The following ZNF804B variants were observed in gnomAD, a reference collection of about 807,000 sequenced individuals.
ZNF804B encodes zinc finger protein 804B, also known as zinc finger 804B.
ZNF804B carries 80 observed loss-of-function variants against 101.4 expected under a neutral mutation model. That is an observed-to-expected ratio of 0.79 (90% CI 0.66 to 0.95). ZNF804B has a LOEUF of 0.95. Among genes scored for constraint, ZNF804B ranks in the 40% least tolerant of loss-of-function variants. ZNF804B has a pLI of 0.00. For missense variants in ZNF804B, 1,673 were observed against 1,561.9 expected (o/e 1.07, Z -1.20); for synonymous variants, 622 against 558.8 (o/e 1.11, Z -1.59).
At chr7:89,040,546 T>A (rs1047996592) in intron 1 of ZNF804B, among the ~76,000 whole-genome samples, 1 of 152,222 alleles carries the variant, frequency 6.6e-6, no homozygotes, top group African/African-American at 2.4e-5. Context: ...TATGTCTATG[T>A]TCTCTTATAG....
intron 1 of ZNF804B, among the ~76,000 whole-genome samples, chr7:89,173,853 G>C (rs1175679856): frequency 1.3e-5 from 2 of 151,722 alleles, no homozygotes; most frequent in African/African-American, 4.8e-5. Context: ...TGATGAAAAG[G>C]GACTGTGACA....
intron 1 of ZNF804B, among the ~76,000 whole-genome samples, chr7:89,175,472 A>G (rs1791303729): frequency 6.6e-6 from 1 of 151,936 alleles, no homozygotes. Flanking sequence ...TTTGGTTGCT[A>G]TATTTCAGTA....
intron 1 of ZNF804B, among the ~76,000 whole-genome samples, chr7:88,823,773 A>T (rs1051493948): frequency 3.3e-5 from 5 of 152,142 alleles, no homozygotes; most frequent in Non-Finnish European, 7.3e-5. Context: ...TGGACACTAG[A>T]AAAGGAAGGT....
At chr7:89,233,088 AT>A (rs879442669) in intron 2 of ZNF804B, among the ~76,000 whole-genome samples, 73 of 146,684 alleles carry the variant, frequency 5.0e-4, no homozygotes, top group Non-Finnish European at 5.1e-4. Flanking sequence ...CGCCTGGCTA[AT>A]TTTTTTTTTT....
chr7:88,880,612 A>G (rs1243547144), intron 1 of ZNF804B, among the ~76,000 whole-genome samples: 1 of 152,014 alleles, frequency 6.6e-6, no homozygotes, highest in Non-Finnish European at 1.5e-5. Context: ...TGGTTTTGTC[A>G]TTTCAAAGTT....
At chr7:89,075,839 A>T (rs1277825759) in intron 1 of ZNF804B, among the ~76,000 whole-genome samples, 3 of 152,218 alleles carry the variant, frequency 2.0e-5, no homozygotes, top group Admixed American at 6.5e-5. Context: ...GGTGCCCGAG[A>T]CCATGGGAAC....
In ZNF804B at chr7:89,275,778, A is replaced by G. The variant is rs115856096; in HGVS notation, c.250-51566A>G. Among the ~76,000 whole-genome samples, 1,407 of 151,968 alleles carry G rather than the reference A, an allele frequency of 9.3e-3. 50 individuals carry two copies. The highest frequency in any genetic ancestry group is 0.032 in the African/African-American group (1,336 of 41,270). ...TATGAACTTTTTATTTTCTCCCTAC[A>G]AGAAAGTGAGCTATAGGAGGATAAA... On this transcript the variant is annotated intron_variant, in intron 2 of 3. Transcript: ENST00000333190.
At chr7:89,234,457 C>T (rs185518516) in intron 2 of ZNF804B, among the ~76,000 whole-genome samples, 197 of 152,172 alleles carry the variant, frequency 1.3e-3, no homozygotes, top group Middle Eastern at 0.01. Flanking sequence ...TATAAGATTT[C>T]CATGAAATTA....
At chr7:89,116,575 G>C (rs764775975) in intron 1 of ZNF804B, among the ~76,000 whole-genome samples, 1 of 151,994 alleles carries the variant, frequency 6.6e-6, no homozygotes. Context: ...CATTTTAAAG[G>C]TTCAAATATT....
At chr7:88,962,193 G>C (rs1290573865) in intron 1 of ZNF804B, among the ~76,000 whole-genome samples, 1 of 151,234 alleles carries the variant, frequency 6.6e-6, no homozygotes, top group Non-Finnish European at 1.5e-5. Flanking sequence ...CTTCCTTAAG[G>C]ACCAGAAGTT....
chr7:88,891,326 A>G (rs1792210447), intron 1 of ZNF804B, among the ~76,000 whole-genome samples: 1 of 152,060 alleles, frequency 6.6e-6, no homozygotes, highest in South Asian at 2.1e-4. Flanking sequence ...AATTTTAATC[A>G]CTATGTATTT....
At chr7:89,317,359 A>T (rs1584121762) in intron 2 of ZNF804B, among the ~76,000 whole-genome samples, 1 of 152,222 alleles carries the variant, frequency 6.6e-6, no homozygotes, top group South Asian at 2.1e-4. Context: ...GAAGAAGTGT[A>T]TGCTTCTGGG....
intron 2 of ZNF804B, among the ~76,000 whole-genome samples, chr7:89,221,788 G>T (rs1789008917): frequency 6.8e-6 from 1 of 147,390 alleles, no homozygotes; most frequent in African/African-American, 2.5e-5. Context: ...TTATTTGCTT[G>T]TTTCATTTGT....
rs563654278 is a variant in ZNF804B, at chr7:89,108,891, C to T, written c.109-109264C>T. Among the ~76,000 whole-genome samples, 9 of 152,090 alleles carry T rather than the reference C, an allele frequency of 5.9e-5. No homozygotes were observed. The East Asian group carries it at 1.5e-3, about 26-fold the overall frequency. ...AGGAGAAATACATTGCTTGAAAACA[C>T]CAGAGGAAGAAAAGAAAATTAGTTC... On this transcript the variant is annotated intron_variant, in intron 1 of 3. Coordinates refer to ENST00000333190, the MANE Select transcript of ZNF804B (RefSeq NM_181646.5).
At position 88,868,033 on chromosome 7, in the gene ZNF804B, CTG is replaced by C. The variant is rs796357574; in HGVS notation, c.108+107962_108+107963del. On this transcript the variant is annotated intron_variant, in intron 1 of 3. Coordinates refer to ENST00000333190, the MANE Select transcript of ZNF804B (RefSeq NM_181646.5). ...TAAATGTGCAATATTCATAATTCTA[CTG>C]TGTGTGTGTGTGAGTGTGTGTGTGT... is the stretch of plus-strand genomic sequence containing the variant. Among the ~76,000 whole-genome samples, 715 of 135,062 alleles carry C rather than the reference CTG, an allele frequency of 5.3e-3. 6 individuals carry two copies. The highest frequency in any genetic ancestry group is 0.019 in the African/African-American group (669 of 35,222). The allele number at this position is 135,062 out of a possible 152,430, so 88.6% of individuals were successfully genotyped here.
rs115510420 is a variant in ZNF804B at position 88,980,592 on chromosome 7, T to C, written c.108+220508T>C. Reference sequence around the variant, plus strand: ...TTAGAGTTAACCATCTTTGTTTTCTTGGATAAGATCAGGAAGAATTCTCTG... The same window carrying C: ...TTAGAGTTAACCATCTTTGTTTTCTCGGATAAGATCAGGAAGAATTCTCTG... On this transcript the variant is annotated intron_variant, in intron 1 of 3. Coordinates refer to ENST00000333190, the MANE Select transcript of ZNF804B (RefSeq NM_181646.5). Among the ~76,000 whole-genome samples, 465 of 152,240 alleles carry C rather than the reference T, an allele frequency of 3.1e-3. 2 individuals are homozygous for C. The highest frequency in any genetic ancestry group is 0.011 in the African/African-American group (440 of 41,576).
chr7:89,141,894 TAA>T (rs1790723661), intron 1 of ZNF804B, among the ~76,000 whole-genome samples: 2 of 3,050 alleles, frequency 6.6e-4, no homozygotes, highest in African/African-American at 5.1e-3. Flanking sequence ...AAAAAATATA[TAA>T]TAATAATAAT....
At chr7:88,841,251 A>G (rs1249683386) in intron 1 of ZNF804B, among the ~76,000 whole-genome samples, 1 of 152,200 alleles carries the variant, frequency 6.6e-6, no homozygotes, top group African/African-American at 2.4e-5. Context: ...GATGCCAGCC[A>G]CACCCCATAG....
chr7:89,265,293 T>TGTGTGTGTGCGTGCGC (rs1296992270), intron 2 of ZNF804B, among the ~76,000 whole-genome samples: 1 of 120,536 alleles, frequency 8.3e-6, no homozygotes, highest in African/African-American at 3.2e-5. Flanking sequence ...TGTGTGTGTG[T>TGTGTGTGTGCGTGCGC]GCGCGTGCGC....
Sources: allele counts gnomAD v4.1 joint callset (sites outside exome capture counted in the v4.1 genomes callset), GRCh38; gene constraint gnomAD v4.1.1; transcripts MANE v1.5; gene names NCBI Gene and HGNC (gene_info 2026-07-23, HGNC 2026-07-21).